The following SEMA3E variants were observed in gnomAD, a reference collection of about 807,000 sequenced individuals.
SEMA3E encodes semaphorin 3E, also known as semaphorin-3E.
A neutral mutation model predicts 93.6 loss-of-function variants in SEMA3E; 49 were observed. The observed-to-expected ratio is 0.52, with a 90% CI of 0.42 to 0.66. The LOEUF (loss-of-function observed/expected upper bound fraction) is 0.66, where lower values mean the gene tolerates loss of function less well. Among genes scored for constraint, SEMA3E ranks in the 30% least tolerant of loss-of-function variants. SEMA3E has a pLI of 0.00. For missense variants in SEMA3E, 906 were observed against 964.8 expected (o/e 0.94, Z 0.81); for synonymous variants, 363 against 330.7 (o/e 1.10, Z -1.06).
chr7:83,386,567 T>C (rs1393150059), intron 15 of SEMA3E, among the ~76,000 whole-genome samples: 1 of 152,128 alleles, frequency 6.6e-6, no homozygotes, highest in Non-Finnish European at 1.5e-5. Context: ...TTTCACTTTA[T>C]CTATCCCAAA....
intron 1 of SEMA3E, among the ~76,000 whole-genome samples, chr7:83,491,157 C>A (rs114100098): frequency 6.6e-6 from 1 of 151,964 alleles, no homozygotes; most frequent in South Asian, 2.1e-4. Context: ...TTCTTAGTGA[C>A]GAGGACTCTA....
At chr7:83,423,288 T>C (rs1383484109) in intron 4 of SEMA3E, among the ~76,000 whole-genome samples, 4 of 152,136 alleles carry the variant, frequency 2.6e-5, no homozygotes, top group Admixed American at 2.6e-4. Flanking sequence ...GAATATTGAA[T>C]GTGCATGCAT....
rs762483567 is a variant in SEMA3E at position 83,385,312 on chromosome 7, A to C, written c.1857T>G (p.Arg619=). 1.2e-5 allele frequency: 19 copies of C among 1,613,176 alleles called. No homozygotes were observed. The Admixed American group carries it at 3.2e-4, about 27-fold the overall frequency. ...AKVIWFVQKG[R]ETRKEEVKTD... ...GAATTACCTCCTCTTTTCTTGTCTCACGTCCTTTCTGTACAAACCAGATAA... is the reference window on the plus strand; with the variant it reads ...GAATTACCTCCTCTTTTCTTGTCTCCCGTCCTTTCTGTACAAACCAGATAA... The change falls in exon 16 of 17, where the codon CGT becomes CGG. Residue 619 remains arginine, a synonymous_variant. Transcript: ENST00000643230.
At chr7:83,642,583 C>T (rs1216126336) in intron 1 of SEMA3E, among the ~76,000 whole-genome samples, 1 of 152,030 alleles carries the variant, frequency 6.6e-6, no homozygotes, top group Non-Finnish European at 1.5e-5. Context: ...GAATAATGCT[C>T]ACTTAAGACT....
chr7:83,370,816 C>A (rs965904182), intron 16 of SEMA3E, among the ~76,000 whole-genome samples: 1 of 152,090 alleles, frequency 6.6e-6, no homozygotes, highest in Non-Finnish European at 1.5e-5. Flanking sequence ...AATTAAATTT[C>A]CTGTGTCATC....
intron 1 of SEMA3E, among the ~76,000 whole-genome samples, chr7:83,617,550 T>C (rs61219969): frequency 8.0e-6 from 1 of 125,750 alleles, no homozygotes; most frequent in African/African-American, 3.1e-5. Flanking sequence ...AAGTAATATA[T>C]AATTTTATAT....
At chr7:83,409,324 A>G (rs1287098192) in intron 5 of SEMA3E, among the ~76,000 whole-genome samples, 4 of 152,138 alleles carry the variant, frequency 2.6e-5, no homozygotes, top group Non-Finnish European at 4.4e-5. Context: ...CCCAAAACTC[A>G]CAAGAGGTAA....
chr7:83,596,569 T>C (rs1304148249), intron 1 of SEMA3E, among the ~76,000 whole-genome samples: 1 of 152,146 alleles, frequency 6.6e-6, no homozygotes, highest in Non-Finnish European at 1.5e-5. Context: ...CATATACATA[T>C]ATGAAAAATT....
chr7:83,545,406 A>G lies in SEMA3E; in HGVS notation c.116-55132T>C, dbSNP rs561362260. Among the ~76,000 whole-genome samples the G allele has an allele frequency of 3.2e-4, 49 of 152,044 alleles. No individual in the cohort carries two copies. In the South Asian group the frequency reaches 8.1e-3, roughly 25 times the overall value. On this transcript the variant is annotated intron_variant, in intron 1 of 16. Coordinates refer to ENST00000643230, the MANE Select transcript of SEMA3E (RefSeq NM_012431.3). ...TTATCATGCACTTCATAATTACAAA[A>G]TTCTTCCCCCAATCCCCAAATACCT...
chr7:83,462,585 C>T (rs1483950672), intron 4 of SEMA3E, among the ~76,000 whole-genome samples: 7 of 152,078 alleles, frequency 4.6e-5, no homozygotes, highest in Non-Finnish European at 7.4e-5. Context: ...CCCTCCTTGG[C>T]GACCGACCAT....
At chr7:83,509,177 T>C (rs536999705) in intron 1 of SEMA3E, among the ~76,000 whole-genome samples, 3 of 152,310 alleles carry the variant, frequency 2.0e-5, no homozygotes, top group Non-Finnish European at 2.9e-5. Context: ...CTAAAAACTT[T>C]GCTTTGTCTT....
At chr7:83,512,354 T>C (rs1415641005) in intron 1 of SEMA3E, among the ~76,000 whole-genome samples, 2 of 152,220 alleles carry the variant, frequency 1.3e-5, no homozygotes, top group Non-Finnish European at 2.9e-5. Flanking sequence ...ATGTACACTG[T>C]TAAATTACTT....
At chr7:83,383,791 A>G (rs922585671) in intron 16 of SEMA3E, among the ~76,000 whole-genome samples, 8 of 152,022 alleles carry the variant, frequency 5.3e-5, no homozygotes, top group African/African-American at 1.9e-4. Context: ...AATTAGAAAC[A>G]GAACATACTG....
chr7:83,485,820 C>G (rs886668555), intron 2 of SEMA3E, among the ~76,000 whole-genome samples: 1 of 151,978 alleles, frequency 6.6e-6, no homozygotes, highest in Non-Finnish European at 1.5e-5. Flanking sequence ...TGGTGATATT[C>G]AGATGTTGGG....
intron 1 of SEMA3E, among the ~76,000 whole-genome samples, chr7:83,561,827 A>G (rs547234915): frequency 6.6e-6 from 1 of 152,300 alleles, no homozygotes; most frequent in South Asian, 2.1e-4. Context: ...GTTAACACAT[A>G]GAAATCTTGA....
At chr7:83,607,528 A>T (rs2115567790) in intron 1 of SEMA3E, among the ~76,000 whole-genome samples, 1 of 152,298 alleles carries the variant, frequency 6.6e-6, no homozygotes, top group African/African-American at 2.4e-5. Context: ...TAATATTTTT[A>T]ATATTTATAA....
chr7:83,554,944 T>C (rs1480706713), intron 1 of SEMA3E, among the ~76,000 whole-genome samples: 1 of 141,468 alleles, frequency 7.1e-6, no homozygotes, highest in East Asian at 2.2e-4. Context: ...ACCACTGTAC[T>C]CCAGCCTGGG....
At chr7:83,592,432 T>C (rs1293441661) in intron 1 of SEMA3E, among the ~76,000 whole-genome samples, 3 of 149,764 alleles carry the variant, frequency 2.0e-5, no homozygotes, top group Non-Finnish European at 3.0e-5. Context: ...TTGGTTTATG[T>C]AATTTTAAAA....
At chr7:83,524,944 CT>C (rs1791125225) in intron 1 of SEMA3E, among the ~76,000 whole-genome samples, 3 of 151,922 alleles carry the variant, frequency 2.0e-5, no homozygotes, top group Non-Finnish European at 1.5e-5. Context: ...CTGGGGATTC[CT>C]TTTGCTTCTT....
Sources: gnomAD v4.1 joint callset for allele counts (sites outside exome capture counted in the v4.1 genomes callset) on GRCh38, gnomAD v4.1.1 for gene constraint, MANE v1.5 for transcripts, NCBI Gene and HGNC (gene_info 2026-07-23, HGNC 2026-07-21) for gene names.